NEDD9: variants seen among roughly 807,000 people sequenced by gnomAD.
NEDD9 encodes enhancer of filamentation 1.
NEDD9 carries 26 observed loss-of-function variants against 76.6 expected under a neutral mutation model. The observed-to-expected ratio is 0.34, with a 90% confidence interval of 0.25 to 0.47. NEDD9 has a LOEUF of 0.47. Ranked by LOEUF, NEDD9 falls within the 20% of genes least tolerant of loss-of-function variation. NEDD9 has a pLI of 1.00. For missense variants in NEDD9, 937 were observed against 1,058.5 expected, an observed-to-expected ratio of 0.89 and a Z score of 1.59; for synonymous variants, 392 against 414.2, an observed-to-expected ratio of 0.95 and a Z score of 0.65.
chr6:11,224,692 T>G (rs151306060), intron 1 of NEDD9, among the ~76,000 whole-genome samples: 146 of 151,866 alleles, frequency 9.6e-4, no homozygotes, highest in Non-Finnish European at 1.7e-3. Flanking sequence ...GTAGCTGGAG[T>G]GTCTAGAAGT....
rs41272545 is a variant in NEDD9 at position 11,190,125 on chromosome 6, C to T, written c.1744G>A (p.Gly582Ser). 1,756 of 1,613,116 alleles carry T rather than the reference C, an allele frequency of 1.1e-3. No individual in the cohort carries two copies. Among genetic ancestry groups the T allele is most frequent in the Non-Finnish European group, 1.4e-3 (1,642 of 1,179,350 alleles). ...SIMNSTEYPHGGSQGQLLHPG... is the reference protein window; with the variant it reads ...SIMNSTEYPHSGSQGQLLHPG... The stretch of plus-strand genomic sequence containing the variant: ...TGCAGCAGCTGTCCCTGGGAGCCAC[C>T]GTGTGGGTACTCCGTTGAGTTCATG... The change falls in exon 5 of 7, where the codon GGT becomes AGT. Residue 582 changes from glycine to serine, a missense_variant. Coordinates refer to ENST00000379446, the MANE Select transcript of NEDD9 (RefSeq NM_006403.4). This position sits in a 1 kb window ranked among gnomAD's most constrained non-coding sequence, Gnocchi z 5.8.
intron 3 of NEDD9, among the ~76,000 whole-genome samples, chr6:11,268,746 GACACACACAC>G (rs200336412): frequency 7.3e-6 from 1 of 136,506 alleles, no homozygotes; most frequent in Admixed American, 7.5e-5. Context: ...CACACACACA[GACACACACAC>G]ACACACACAC....
At chr6:11,211,952 A>C (rs965859465) in intron 2 of NEDD9, among the ~76,000 whole-genome samples, 3 of 75,884 alleles carry the variant, frequency 4.0e-5, no homozygotes, top group East Asian at 8.3e-4. Context: ...CCAAACACTA[A>C]GGGCTCTCCA....
At chr6:11,319,762 TAA>T (rs199849522) in intron 2 of NEDD9, among the ~76,000 whole-genome samples, 8 of 136,066 alleles carry the variant, frequency 5.9e-5, no homozygotes, top group African/African-American at 1.9e-4. Flanking sequence ...ACATGCACAC[TAA>T]CATGCACACT....
chr6:11,272,380 A>C (rs868857368), intron 3 of NEDD9, among the ~76,000 whole-genome samples: 3 of 152,256 alleles, frequency 2.0e-5, no homozygotes, highest in Non-Finnish European at 2.9e-5. Context: ...TTTTTAAAAA[A>C]TTCAAACAAA....
At chr6:11,323,869 A>T (rs1242498567) in intron 2 of NEDD9, among the ~76,000 whole-genome samples, 1 of 152,220 alleles carries the variant, frequency 6.6e-6, no homozygotes, top group African/African-American at 2.4e-5. Context: ...TTTCCCACCC[A>T]TTCTTAACGA....
chr6:11,304,758 A>G (rs1761136525), intron 3 of NEDD9, among the ~76,000 whole-genome samples: 1 of 152,252 alleles, frequency 6.6e-6, no homozygotes, highest in South Asian at 2.1e-4. Flanking sequence ...TTGAACAATG[A>G]GAACACATGG....
intron 1 of NEDD9, among the ~76,000 whole-genome samples, chr6:11,374,793 C>T (rs1202796406): frequency 6.6e-6 from 1 of 152,222 alleles, no homozygotes. Context: ...TAGAACTTTT[C>T]CCCAAGGGCT....
At chr6:11,297,878 G>A (rs893445019) in intron 3 of NEDD9, among the ~76,000 whole-genome samples, 1 of 151,502 alleles carries the variant, frequency 6.6e-6, no homozygotes, top group African/African-American at 2.4e-5. Context: ...AAACTAGGCA[G>A]TATGGCTTCT....
chr6:11,209,994 A>T (rs1758728214), intron 2 of NEDD9, among the ~76,000 whole-genome samples: 1 of 67,554 alleles, frequency 1.5e-5, no homozygotes, highest in Non-Finnish European at 3.3e-5. Context: ...TAAGTGATTC[A>T]TTAGTAGAAA....
chr6:11,289,743 G>C (rs1760726802), intron 3 of NEDD9, among the ~76,000 whole-genome samples: 1 of 152,174 alleles, frequency 6.6e-6, no homozygotes, highest in South Asian at 2.1e-4. Context: ...GAGCCACTGT[G>C]CCTGGCCAGC....
intron 3 of NEDD9, among the ~76,000 whole-genome samples, chr6:11,283,567 A>T (rs1440446234): frequency 1.3e-5 from 2 of 152,168 alleles, no homozygotes; most frequent in Non-Finnish European, 2.9e-5. Flanking sequence ...CACCACATGG[A>T]TGATGACCTC....
intron 2 of NEDD9, among the ~76,000 whole-genome samples, chr6:11,206,387 C>A (rs999358245): frequency 6.6e-6 from 1 of 152,044 alleles, no homozygotes; most frequent in African/African-American, 2.4e-5. Flanking sequence ...CCATTGCATT[C>A]CAGCCTGGAC....
intron 1 of NEDD9, chr6:11,214,155 G>T (rs763274221): frequency 1.9e-6 from 1 of 515,880 alleles, no homozygotes; most frequent in Non-Finnish European, 3.9e-6. Context: ...GAGGTGAAAA[G>T]AGTAAAAGAA....
chr6:11,343,446 C>G (rs948816144), intron 1 of NEDD9, among the ~76,000 whole-genome samples: 1 of 151,650 alleles, frequency 6.6e-6, no homozygotes, highest in East Asian at 1.9e-4. Context: ...AAAAAAAGTA[C>G]CTTCTCAATG....
At chr6:11,305,702 C>T (rs16871234) in intron 3 of NEDD9, among the ~76,000 whole-genome samples, 6,781 of 152,202 alleles carry the variant, frequency 0.045, 494 homozygotes, top group African/African-American at 0.16. Context: ...TCCAGGCTTG[C>T]TCGGGCACCA....
At chr6:11,300,292 C>G (rs1761014524) in intron 3 of NEDD9, among the ~76,000 whole-genome samples, 3 of 151,830 alleles carry the variant, frequency 2.0e-5, no homozygotes, top group Admixed American at 2.0e-4. Flanking sequence ...TGAAATAAAG[C>G]AAGAAGAGAA....
intron 3 of NEDD9, among the ~76,000 whole-genome samples, chr6:11,266,662 G>A (rs1025469734): frequency 7.2e-5 from 11 of 152,102 alleles, no homozygotes; most frequent in African/African-American, 2.7e-4. Flanking sequence ...ACTACTGTAT[G>A]GGTTTATATT....
chr6:11,320,423 G>T (rs1761767982), intron 2 of NEDD9, among the ~76,000 whole-genome samples: 1 of 152,094 alleles, frequency 6.6e-6, no homozygotes, highest in Admixed American at 6.6e-5. Flanking sequence ...GGACTGCCAG[G>T]TCCCGTTGCA....
Sources: gnomAD v4.1 joint callset for allele counts (sites outside exome capture counted in the v4.1 genomes callset) on GRCh38, gnomAD v4.1.1 for gene constraint, Gnocchi (gnomAD v3.1) non-coding constraint, MANE v1.5 for transcripts, NCBI Gene and HGNC (gene_info 2026-07-23, HGNC 2026-07-21) for gene names.